Variants in NEB observed in about 807,000 individuals in gnomAD.
NEB encodes the protein nemaline myopathy type 2.
In NEB, 512 loss-of-function variants were observed where a neutral mutation model predicts 952.2. The ratio of observed to expected loss-of-function variants is 0.54; its 90% confidence interval spans 0.50 to 0.58. The LOEUF is 0.58. Among genes scored for constraint, NEB ranks in the 20% least tolerant of loss-of-function variants. The pLI is 0.00. For missense variants in NEB, 8,428 were observed against 9,231.1 expected, an observed-to-expected ratio of 0.91 and a Z score of 3.56; for synonymous variants, 2,900 against 3,149.8, an observed-to-expected ratio of 0.92 and a Z score of 2.66.
intron 74 of NEB, among the ~76,000 whole-genome samples, chr2:151,617,695 ATAATT>A (rs1333397426): frequency 1.3e-5 from 2 of 152,182 alleles, no homozygotes; most frequent in African/African-American, 4.8e-5. Flanking sequence ...AGTATTTAAA[ATAATT>A]TATAGGAAAG....
rs368206682 is a variant in NEB, at chr2:151,568,362, G to T, written c.17690C>A (p.Thr5897Asn). The stretch of plus-strand genomic sequence containing the variant: ...CTCCTGGGCAGTGTGCAGCAGGGGG[G>T]TTTCTGTGAGGGTGTACTTTGATTT... ...ATKSKYTLTE[T>N]PLLHTAQEAA... is the part of the protein sequence containing the mutation. The change falls in exon 112 of 182, where the codon ACC becomes AAC. Residue 5897 changes from threonine (T) to asparagine (N), a missense_variant. Transcript: ENST00000397345. 10 of 1,613,284 alleles carry T rather than the reference G, an allele frequency of 6.2e-6. No individual in the cohort carries two copies. In the Middle Eastern group the frequency reaches 5.0e-4, roughly 81 times the overall value.
intron 27 of NEB, among the ~76,000 whole-genome samples, chr2:151,686,458 T>G (rs2099499459): frequency 6.6e-6 from 1 of 152,186 alleles, no homozygotes; most frequent in African/African-American, 2.4e-5. Context: ...GGGAGTTATA[T>G]CCTTCTTGAG....
chr2:151,680,786 T>G lies in NEB; in HGVS notation c.2986A>C (p.Ile996Leu). ...QHPDTLKFTS[I>L]EDAPITVQSK... is the part of the protein sequence containing the mutation. ...TGTACTGTAATTGGAGCATCTTCAA[T>G]CGAGGTAAACTTGAGGGTGTCTGGA... The change falls in exon 30 of 182, where the codon ATT becomes CTT. Residue 996 changes from isoleucine to leucine, a missense_variant. Ile to Leu is a conservative substitution (Grantham distance 5, BLOSUM62 2). Around this residue, in one of 11 missense-constraint regions of NEB, gnomAD observed 2,851 missense variants for 2,791.5 expected, o/e 1.02. Coordinates refer to ENST00000397345, the MANE Select transcript of NEB (RefSeq NM_001164508.2). The G allele has an allele frequency of 6.2e-7, 1 of 1,613,562 alleles. No individual in the cohort carries two copies. The highest frequency in any genetic ancestry group is 8.5e-7 in the Non-Finnish European group (1 of 1,179,562).
chr2:151,733,063 GC>G, intron 3 of NEB, 57 bp downstream of exon 3: 1 of 1,475,724 alleles, frequency 6.8e-7, no homozygotes, highest in East Asian at 2.4e-5. Flanking sequence ...CACCTACACA[GC>G]TTTGATTGTC....
Position 151,614,311 on chromosome 2 carries a change from T to A in NEB, c.11566A>T (p.Ile3856Phe). Residue 3856 changes from isoleucine to phenylalanine, a missense_variant, in exon 77 of 182, where the codon ATT becomes TTT. By Grantham distance (21) the Ile-to-Phe change is conservative (BLOSUM62 0). Coordinates refer to ENST00000397345, the MANE Select transcript of NEB (RefSeq NM_001164508.2). ...WTCLPDQNDVIQARKAYDLQS... is the reference protein window; with the variant it reads ...WTCLPDQNDVFQARKAYDLQS... ...AGGTCATAGGCCTTCCGAGCCTGAA[T>A]GACGTCATTCTGATCAGGCAGGCAG... The A allele has an allele frequency of 6.2e-7, 1 of 1,613,914 alleles. No individual in the cohort carries two copies. Among genetic ancestry groups the A allele is most frequent in the Non-Finnish European group, 8.5e-7 (1 of 1,179,808 alleles).
chr2:151,704,457 G>A (rs2099694478), intron 13 of NEB, among the ~76,000 whole-genome samples: 3 of 147,896 alleles, frequency 2.0e-5, no homozygotes, highest in Admixed American at 6.7e-5. Context: ...CCCTCCCCCA[G>A]CCTCGCTGCC....
intron 13 of NEB, among the ~76,000 whole-genome samples, chr2:151,701,077 G>A (rs2099654148): frequency 1.2e-4 from 9 of 76,840 alleles, no homozygotes; most frequent in East Asian, 2.9e-4. Context: ...AGCATGAAGG[G>A]TTGTTGAATT....
chr2:151,579,080 CAAAAAAA>C (rs1159995102), intron 105 of NEB, among the ~76,000 whole-genome samples: 11 of 31,714 alleles, frequency 3.5e-4, no homozygotes, highest in African/African-American at 8.4e-4. Context: ...GACTCCATCT[CAAAAAAA>C]AAAAAAAAAA....
chr2:151,512,753 C>G lies in NEB; in HGVS notation c.23326G>C (p.Val7776Leu). 6.2e-7 allele frequency: 1 copy of G among 1,613,690 alleles called. No individual in the cohort carries two copies. The highest frequency in any genetic ancestry group is 8.5e-7 in the Non-Finnish European group (1 of 1,179,672). ...DTPEIIHAQQ[V>L]KNLSSQKKYK... ...CTTACCTGGCTTGAAAGATTCTTGA[C>G]TTGTTGGGCATGAATGATCTCTGGA... Residue 7776 changes from valine (V) to leucine (L), a missense_variant, in exon 161 of 182, where the codon GTC becomes CTC. Coordinates refer to ENST00000397345, the MANE Select transcript of NEB (RefSeq NM_001164508.2).
chr2:151,522,455 G>A (rs2082549380), intron 153 of NEB, among the ~76,000 whole-genome samples: 2 of 152,176 alleles, frequency 1.3e-5, no homozygotes, highest in Non-Finnish European at 1.5e-5. Context: ...AACTTGATCA[G>A]TGTCAGCAAC....
rs1198081543 is a variant in NEB, at chr2:151,724,322, G to C, written c.550C>G (p.Leu184Val). Residue 184 changes from leucine to valine, a missense_variant, in exon 8 of 182, where the codon CTG becomes GTG. By Grantham distance (32) the Leu-to-Val change is conservative (BLOSUM62 1). Coordinates refer to ENST00000397345, the MANE Select transcript of NEB (RefSeq NM_001164508.2). ...AGTTCAGGGGCATCAGGAGGAAGCA[G>C]GTACTTATCCTTGGTGTCTTCCCAG... ...QNWEDTKDKY[L>V]LPPDAPELVQ... is the part of the protein sequence containing the mutation. 1 of 1,612,956 alleles carries C rather than the reference G, an allele frequency of 6.2e-7. No homozygotes were observed. Among genetic ancestry groups the C allele is most frequent in the Non-Finnish European group, 8.5e-7 (1 of 1,179,570 alleles).
chr2:151,645,849 G>A lies in NEB; in HGVS notation c.7536+281C>T, dbSNP rs4378803. Among the ~76,000 whole-genome samples the A allele has an allele frequency of 1.7e-3, 264 of 152,268 alleles. 1 individual carries two copies. The highest frequency in any genetic ancestry group is 0.015 in the Admixed American group (232 of 15,288). On this transcript the variant is annotated intron_variant, in intron 55 of 181. Transcript: ENST00000397345. The stretch of plus-strand genomic sequence containing the variant: ...TAAGAATTGCCTCTGCCTGCAAAGA[G>A]TGCCTGTCCACACTGGGAAGAGCAA...
chr2:151,707,484 C>A (rs1228988131), intron 12 of NEB, among the ~76,000 whole-genome samples: 1 of 151,540 alleles, frequency 6.6e-6, no homozygotes, highest in African/African-American at 2.4e-5. Context: ...TGCAACTGTG[C>A]ATGGAGCACA....
chr2:151,672,302 A>G (rs2099310951), intron 37 of NEB, 67 bp downstream of exon 37: 1 of 1,395,334 alleles, frequency 7.2e-7, no homozygotes, highest in East Asian at 2.3e-5. Context: ...TATGAAGTCT[A>G]ATAAAAGCGA....
intron 92 of NEB, among the ~76,000 whole-genome samples, chr2:151,595,515 C>T (rs1393254269): frequency 3.0e-5 from 4 of 133,262 alleles, no homozygotes; most frequent in South Asian, 2.6e-4. Context: ...TCAGGTGATC[C>T]GCCCACCTCA....
In NEB at chr2:151,562,760, G is replaced by A. The variant is rs189541265; in HGVS notation, c.18742C>T (p.Pro6248Ser). The A allele has an allele frequency of 5.4e-5, 86 of 1,594,742 alleles. No homozygotes were observed. The African/African-American group carries it at 1.1e-3, about 21-fold the overall frequency. ...AGCACGTGATTCATCATGTCATTGGGGATATGAACATTTGCTTTGGTATCC... is the reference window on the plus strand; with the variant it reads ...AGCACGTGATTCATCATGTCATTGGAGATATGAACATTTGCTTTGGTATCC... ...YEDTKANVHI[P>S]NDMMNHVLAK... is the part of the protein sequence containing the mutation. Residue 6248 changes from proline to serine, a missense_variant, in exon 120 of 182, where the codon CCC becomes TCC. By Grantham distance (74) the Pro-to-Ser change is moderately conservative. Around this residue, in one of 11 missense-constraint regions of NEB, gnomAD observed 3,374 missense variants for 3,651.5 expected, o/e 0.92. Coordinates refer to ENST00000397345, the MANE Select transcript of NEB (RefSeq NM_001164508.2).
At chr2:151,633,524 G>A (rs1407296039) in intron 65 of NEB, 130 bp downstream of exon 65, 2 of 1,276,010 alleles carry the variant, frequency 1.6e-6, no homozygotes. Context: ...CAATAAAATT[G>A]TATTCTGATT....
intron 17 of NEB, among the ~76,000 whole-genome samples, chr2:151,695,916 C>T: frequency 6.6e-6 from 1 of 152,122 alleles, no homozygotes; most frequent in East Asian, 1.9e-4. Flanking sequence ...CAAACATGTT[C>T]CCCTCCCTGC....
chr2:151,579,080 CAAAAAAAAAAAAAA>C (rs1159995102), intron 105 of NEB, among the ~76,000 whole-genome samples: 8 of 31,692 alleles, frequency 2.5e-4, no homozygotes, highest in African/African-American at 5.6e-4. Flanking sequence ...GACTCCATCT[CAAAAAAAAAAAAAA>C]AAAAAAAAAA....
Sources: allele counts gnomAD v4.1 joint callset (sites outside exome capture counted in the v4.1 genomes callset), GRCh38; gene constraint gnomAD v4.1.1; regional missense constraint gnomAD v4.1.1; transcripts MANE v1.5; gene names NCBI Gene and HGNC (gene_info 2026-07-23, HGNC 2026-07-21).